Variants in RELN observed in about 807,000 individuals in gnomAD.
The protein encoded by RELN is reelin.
Under a neutral mutation model 427.6 loss-of-function variants are expected in RELN, and 108 were observed. The ratio of observed to expected loss-of-function variants is 0.25; its 90% CI spans 0.22 to 0.30. The LOEUF (loss-of-function observed/expected upper bound fraction) is 0.30. Ranked by LOEUF, RELN falls within the 10% of genes least tolerant of loss-of-function variation. The pLI, the probability that RELN is intolerant of heterozygous loss-of-function variation, is 1.00. For missense variants in RELN, 3,715 were observed against 4,302.8 expected (o/e 0.86, Z 3.82); for synonymous variants, 1,524 against 1,513.4 (o/e 1.01, Z -0.16).
At chr7:103,689,360 A>G (rs1367654766) in intron 10 of RELN, among the ~76,000 whole-genome samples, 2 of 152,134 alleles carry the variant, frequency 1.3e-5, no homozygotes, top group Non-Finnish European at 2.9e-5. Context: ...TCTGCGTTTA[A>G]TCTGTAGGTC....
intron 1 of RELN, among the ~76,000 whole-genome samples, chr7:103,986,629 T>TAAAACA (rs1797103248): frequency 2.0e-5 from 2 of 102,334 alleles, no homozygotes; most frequent in Admixed American, 1.1e-4. Context: ...TTCTTTTAGG[T>TAAAACA]AAAAAAAAAA....
chr7:103,539,607 TG>T (rs1562879429), intron 44 of RELN: 1 of 456,786 alleles, frequency 2.2e-6, no homozygotes, highest in African/African-American at 2.0e-5. Context: ...GTACCCAAGC[TG>T]GGAAGCAAAA....
intron 2 of RELN, among the ~76,000 whole-genome samples, chr7:103,890,248 A>AT (rs1337363096): frequency 6.6e-6 from 1 of 151,432 alleles, no homozygotes; most frequent in Non-Finnish European, 1.5e-5. Flanking sequence ...AAGACGGTCA[A>AT]TTCTTCTCAT....
rs181706036 is a variant in RELN at position 103,904,885 on chromosome 7, G to A, written c.337+12190C>T. Among the ~76,000 whole-genome samples, 66 of 149,990 alleles carry A rather than the reference G, an allele frequency of 4.4e-4. No individual in the cohort carries two copies. In the Middle Eastern group the frequency reaches 0.014, roughly 32 times the overall value. On this transcript the variant is annotated intron_variant, in intron 2 of 64. Transcript: ENST00000428762. ...AAGAAAATGAAATAAAAACTGGAAAGAGATGAAATAAGAACCTAATAATGT... is the reference window on the plus strand; with the variant it reads ...AAGAAAATGAAATAAAAACTGGAAAAAGATGAAATAAGAACCTAATAATGT...
intron 3 of RELN, among the ~76,000 whole-genome samples, chr7:103,786,152 T>A (rs1242498157): frequency 6.6e-6 from 1 of 151,944 alleles, no homozygotes; most frequent in Non-Finnish European, 1.5e-5. Context: ...TTTTTTTCCG[T>A]TATAAAGGTA....
rs140387175 is a variant in RELN, at chr7:103,847,753, C to T, written c.338-14081G>A. On this transcript the variant is annotated intron_variant, in intron 2 of 64. Transcript: ENST00000428762. ...AGGCTCTTTTTACTCTCCTACATGG[C>T]TTGTATTTATATCTCTAAAGCCTCC... Among the ~76,000 whole-genome samples the T allele has an allele frequency of 4.5e-3, 679 of 152,140 alleles. 3 individuals carry two copies. The highest frequency in any genetic ancestry group is 0.016 in the African/African-American group (644 of 41,508).
chr7:103,899,826 C>A (rs949785071), intron 2 of RELN, among the ~76,000 whole-genome samples: 1 of 152,070 alleles, frequency 6.6e-6, no homozygotes, highest in Non-Finnish European at 1.5e-5. Flanking sequence ...TTATGACAAA[C>A]CCACAGCCAA....
chr7:103,835,804 G>A (rs1426791540), intron 2 of RELN, among the ~76,000 whole-genome samples: 1 of 152,006 alleles, frequency 6.6e-6, no homozygotes, highest in East Asian at 1.9e-4. Flanking sequence ...GTAGTAAATG[G>A]CCCAATACAT....
chr7:103,478,900 A>T (rs2116963757), intron 63 of RELN, among the ~76,000 whole-genome samples: 1 of 152,340 alleles, frequency 6.6e-6, no homozygotes, highest in Admixed American at 6.5e-5. Context: ...TTGTGCCAAA[A>T]ATGTGACAGT....
At position 103,482,874 on chromosome 7, in the gene RELN, GGAC is replaced by G. The variant is rs1159588480; in HGVS notation, c.10276_10278del (p.Val3426del). ...GGATGCCATGTAATAGATACTCACA[GGAC>G]GACCTCCACATGGTCCAAAGCCCAT... is the stretch of plus-strand genomic sequence containing the variant. On this transcript the variant is annotated inframe_deletion and splice_region_variant, in exon 63 of 65. Coordinates refer to ENST00000428762, the MANE Select transcript of RELN (RefSeq NM_005045.4). The G allele has an allele frequency of 6.2e-7, 1 of 1,614,018 alleles. No individual in the cohort carries two copies. The highest frequency in any genetic ancestry group is 1.3e-5 in the African/African-American group (1 of 74,922).
intron 1 of RELN, among the ~76,000 whole-genome samples, chr7:103,945,882 T>C (rs371883510): frequency 1.3e-5 from 2 of 152,188 alleles, no homozygotes; most frequent in South Asian, 4.1e-4. Flanking sequence ...GTGCAGGTTT[T>C]AGCTTAGGAG....
chr7:103,938,654 A>G (rs1796039953), intron 1 of RELN, among the ~76,000 whole-genome samples: 1 of 152,142 alleles, frequency 6.6e-6, no homozygotes, highest in Admixed American at 6.6e-5. Context: ...CTATCTTCCA[A>G]CATTATTTAT....
chr7:103,783,067 A>G (rs1791931955), intron 3 of RELN, among the ~76,000 whole-genome samples: 1 of 152,010 alleles, frequency 6.6e-6, no homozygotes, highest in South Asian at 2.1e-4. Flanking sequence ...AGTTGATCTG[A>G]GTTCGGTAAA....
intron 20 of RELN, among the ~76,000 whole-genome samples, chr7:103,628,588 C>A (rs1832381424): frequency 1.3e-5 from 2 of 152,198 alleles, no homozygotes; most frequent in South Asian, 4.2e-4. Flanking sequence ...ATGCACAAGT[C>A]CCATCAAAGG....
chr7:103,758,819 T>C (rs530120938), intron 4 of RELN, among the ~76,000 whole-genome samples: 6 of 151,632 alleles, frequency 4.0e-5, no homozygotes, highest in South Asian at 4.2e-4. Context: ...TTATTTGTCC[T>C]CCAAATTCTC....
chr7:103,909,711 A>T lies in RELN; in HGVS notation c.337+7364T>A, dbSNP rs1489238357. 1.4e-4 allele frequency among the ~76,000 whole-genome samples: 5 copies of T among 35,030 alleles called. 1 individual carries two copies. The highest frequency in any genetic ancestry group is 2.3e-4 in the Non-Finnish European group (5 of 21,432). 23.0% of individuals were successfully genotyped at this position (35,030 alleles called of 152,430 possible). ...TAAATATATATATTTAATATATATA[A>T]ATATATATTAAATATATTTTTTAAT... On this transcript the variant is annotated intron_variant, in intron 2 of 64. Coordinates refer to ENST00000428762, the MANE Select transcript of RELN (RefSeq NM_005045.4).
chr7:103,937,068 G>C (rs529244823), intron 1 of RELN, among the ~76,000 whole-genome samples: 22 of 152,160 alleles, frequency 1.4e-4, no homozygotes, highest in African/African-American at 5.3e-4. Flanking sequence ...CCCTCCTTAT[G>C]GATGTGAATG....
intron 11 of RELN, among the ~76,000 whole-genome samples, chr7:103,670,135 A>C (rs1199660603): frequency 6.6e-6 from 1 of 152,158 alleles, no homozygotes; most frequent in Non-Finnish European, 1.5e-5. Flanking sequence ...CTTCTCTATC[A>C]GGTGTTTTGG....
intron 8 of RELN, among the ~76,000 whole-genome samples, chr7:103,714,614 G>A (rs973253617): frequency 2.0e-5 from 3 of 152,122 alleles, no homozygotes; most frequent in African/African-American, 4.8e-5. Flanking sequence ...GATTTGCCTC[G>A]CCTATGCCTG....
Sources: gnomAD v4.1 joint callset for allele counts (sites outside exome capture counted in the v4.1 genomes callset) on GRCh38, gnomAD v4.1.1 for gene constraint, MANE v1.5 for transcripts, NCBI Gene and HGNC (gene_info 2026-07-23, HGNC 2026-07-21) for gene names.